MKLN1: variants seen among roughly 807,000 people sequenced by gnomAD.
MKLN1 encodes the protein muskelin 1.
Under a neutral mutation model 99.0 loss-of-function variants are expected in MKLN1, and 18 were observed. The ratio of observed to expected loss-of-function variants is 0.18; its 90% confidence interval spans 0.13 to 0.27. The LOEUF (loss-of-function observed/expected upper bound fraction) is 0.27. Ranked by LOEUF, MKLN1 falls within the 10% of genes least tolerant of loss-of-function variation. The pLI is 1.00. For synonymous variants in MKLN1, 288 were observed against 293.2 expected, an observed-to-expected ratio of 0.98 and a Z score of 0.18; for missense variants, 621 against 875.9, an observed-to-expected ratio of 0.71 and a Z score of 3.67.
chr7:131,232,023 C>T (rs1246450414), intron 3 of MKLN1, among the ~76,000 whole-genome samples: 1 of 152,104 alleles, frequency 6.6e-6, no homozygotes, highest in East Asian at 1.9e-4. Flanking sequence ...CAGAAAAACA[C>T]AAACAAAAAA....
intron 3 of MKLN1, among the ~76,000 whole-genome samples, chr7:131,300,674 T>G (rs1422465619): frequency 7.8e-6 from 1 of 128,012 alleles, no homozygotes; most frequent in African/African-American, 2.9e-5. Context: ...GGTGACACAG[T>G]GAGACCCTGT....
At chr7:131,350,389 C>G (rs930280626) in intron 1 of MKLN1, among the ~76,000 whole-genome samples, 1 of 152,062 alleles carries the variant, frequency 6.6e-6, no homozygotes, top group Non-Finnish European at 1.5e-5. Context: ...TAACAAATTG[C>G]TACAAACTTA....
intron 3 of MKLN1, among the ~76,000 whole-genome samples, chr7:131,306,336 G>T (rs1798466392): frequency 6.6e-6 from 1 of 152,234 alleles, no homozygotes; most frequent in South Asian, 2.1e-4. Flanking sequence ...TTTGGAACTG[G>T]ATTATGGGCA....
In MKLN1 at chr7:131,139,967, G is replaced by A. The variant is rs1374896207; in HGVS notation, c.-418-2853G>A. Among the ~76,000 whole-genome samples the A allele has an allele frequency of 2.6e-5, 4 of 152,168 alleles. No homozygotes were observed. The East Asian group carries it at 7.7e-4, about 29-fold the overall frequency. On this transcript the variant is annotated intron_variant, in intron 1 of 7. Transcript: ENST00000416992. ...GTAAGGGACCTCAGAGATCCTCTGA[G>A]GTGAGCCTAATGGTGGCCCACCTTC...
rs559413988 is a variant in MKLN1 at position 131,180,346 on chromosome 7, A to G, written c.-296-22511A>G. Among the ~76,000 whole-genome samples, 5 of 152,338 alleles carry G rather than the reference A, an allele frequency of 3.3e-5. No homozygotes were observed. In the East Asian group the frequency reaches 9.6e-4, roughly 29 times the overall value. On this transcript the variant is annotated intron_variant, in intron 2 of 7. Coordinates refer to the MKLN1 transcript ENST00000416992. ...ATGGTGCAAATGTTACCATTTATGT[A>G]GAAATGTTGCTGTTTTTACCATGAG...
chr7:131,188,911 T>C (rs576735924), intron 2 of MKLN1, among the ~76,000 whole-genome samples: 1 of 152,284 alleles, frequency 6.6e-6, no homozygotes, highest in South Asian at 2.1e-4. Flanking sequence ...ATCATCAGTG[T>C]CTTCAGCTAA....
chr7:131,432,176 T>C (rs1795543798), intron 9 of MKLN1, among the ~76,000 whole-genome samples: 3 of 151,880 alleles, frequency 2.0e-5, no homozygotes, highest in Admixed American at 6.6e-5. Flanking sequence ...TCTTACTCTT[T>C]AGTGAGTAAG....
intron 8 of MKLN1, among the ~76,000 whole-genome samples, chr7:131,418,185 A>G (rs1795079543): frequency 6.6e-6 from 1 of 152,020 alleles, no homozygotes; most frequent in Non-Finnish European, 1.5e-5. Context: ...CCTGGCCAAC[A>G]TGGTAAAACC....
intron 3 of MKLN1, among the ~76,000 whole-genome samples, chr7:131,235,232 G>C (rs925218154): frequency 2.6e-5 from 4 of 151,116 alleles, no homozygotes; most frequent in African/African-American, 7.3e-5. Context: ...TTCTCTCTGT[G>C]TCTCTCTCTC....
chr7:131,212,925 A>G (rs535560952), intron 3 of MKLN1, among the ~76,000 whole-genome samples: 11 of 143,118 alleles, frequency 7.7e-5, no homozygotes, highest in Admixed American at 6.9e-4. Flanking sequence ...CTCCGTCTCA[A>G]AAAAAAAAAA....
chr7:131,477,853 C>CT (rs1797010223), intron 16 of MKLN1, among the ~76,000 whole-genome samples: 1 of 152,232 alleles, frequency 6.6e-6, no homozygotes, highest in Admixed American at 6.5e-5. Flanking sequence ...TTTGTCTGCT[C>CT]TAATTCATTC....
rs552188559 is a variant in MKLN1, at chr7:131,290,131, C to A, written c.-178-85293C>A. Among the ~76,000 whole-genome samples, 21 of 152,266 alleles carry A rather than the reference C, an allele frequency of 1.4e-4. No homozygotes were observed. The South Asian group carries it at 3.9e-3, about 29-fold the overall frequency. ...GACCAGCCTGACCAACATGGTGAAA[C>A]CTCATCTCTACTAAAAATACAAAAT... On this transcript the variant is annotated intron_variant, in intron 3 of 7. Coordinates refer to the MKLN1 transcript ENST00000416992.
chr7:131,490,606 A>G lies in MKLN1; in HGVS notation c.*2878A>G, dbSNP rs1212589806. ...GACAGTATTAACTCTTATCAAGGCC[A>G]TCTTTTAGACCTGATTTTCATTTAT... On this transcript the variant is annotated 3_prime_UTR_variant, in exon 18 of 18. Transcript: ENST00000352689. 1 of 152,584 alleles carries G rather than the reference A, an allele frequency of 6.6e-6. No individual in the cohort carries two copies. The highest frequency in any genetic ancestry group is 1.9e-4 in the East Asian group (1 of 5,198). The allele number at this position is 152,584 out of a possible 1,614,324, so 9.5% of individuals were successfully genotyped here.
intron 1 of MKLN1, among the ~76,000 whole-genome samples, chr7:131,371,588 T>C (rs1793465161): frequency 6.6e-6 from 1 of 152,170 alleles, no homozygotes; most frequent in African/African-American, 2.4e-5. Context: ...CAAAACATAT[T>C]GCAACTGTTT....
chr7:131,116,024 G>T (rs771282656), intron 1 of MKLN1, among the ~76,000 whole-genome samples: 10 of 152,050 alleles, frequency 6.6e-5, no homozygotes, highest in Non-Finnish European at 1.3e-4. Context: ...TATTAATTAG[G>T]GCCGGGCACG....
intron 2 of MKLN1, among the ~76,000 whole-genome samples, chr7:131,190,115 CA>C (rs1796512715): frequency 6.6e-6 from 1 of 152,082 alleles, no homozygotes; most frequent in Non-Finnish European, 1.5e-5. Context: ...CTGGATCCCC[CA>C]CCCCCTTAAG....
At chr7:131,180,314 G>C (rs1006913863) in intron 2 of MKLN1, among the ~76,000 whole-genome samples, 2 of 152,190 alleles carry the variant, frequency 1.3e-5, no homozygotes, top group Admixed American at 1.3e-4. Flanking sequence ...ATCCTAAAAT[G>C]AAGCAAATGG....
At chr7:131,140,999 T>A (rs1190059381) in intron 1 of MKLN1, among the ~76,000 whole-genome samples, 1 of 152,142 alleles carries the variant, frequency 6.6e-6, no homozygotes, top group East Asian at 1.9e-4. Flanking sequence ...TTAGCCAGGA[T>A]GGTCTCCATC....
intron 2 of MKLN1, among the ~76,000 whole-genome samples, chr7:131,380,346 T>A (rs2116862879): frequency 6.6e-6 from 1 of 152,188 alleles, no homozygotes; most frequent in African/African-American, 2.4e-5. Context: ...AGTCTTAAAA[T>A]AAGTGCCCTT....
Sources: allele counts gnomAD v4.1 joint callset (sites outside exome capture counted in the v4.1 genomes callset), GRCh38; gene constraint gnomAD v4.1.1; transcripts MANE v1.5; gene names NCBI Gene and HGNC (gene_info 2026-07-23, HGNC 2026-07-21).